Variants in SORCS1 observed in about 807,000 individuals in gnomAD.
SORCS1 encodes VPS10 domain-containing receptor SorCS1.
In SORCS1, 60 loss-of-function variants were observed where a neutral mutation model predicts 146.1. That is an observed-to-expected ratio of 0.41 (90% CI 0.33 to 0.51). The LOEUF is 0.51. SORCS1 is among the 20% of genes least tolerant of loss of function. The pLI, the probability that SORCS1 is intolerant of heterozygous loss-of-function variation, is 0.21. For missense variants in SORCS1, 1,352 were observed against 1,487.6 expected (o/e 0.91, Z 1.50); for synonymous variants, 637 against 584.0 (o/e 1.09, Z -1.31).
chr10:106,577,391 A>G lies in SORCS1; in HGVS notation c.*29T>C. 1 of 1,613,748 alleles carries G rather than the reference A, an allele frequency of 6.2e-7. No individual in the cohort carries two copies. On this transcript the variant is annotated 3_prime_UTR_variant, in exon 26 of 26. Coordinates refer to ENST00000263054, the MANE Select transcript of SORCS1 (RefSeq NM_052918.5). ...AGAGCGAAATTCTTTCCTGATCAGC[A>G]GGTCGCCTGTAGCCTTTGGGGGTTT...
intron 2 of SORCS1, among the ~76,000 whole-genome samples, chr10:106,933,451 T>C (rs1564825703): frequency 6.6e-6 from 1 of 152,206 alleles, no homozygotes; most frequent in East Asian, 1.9e-4. Context: ...TTAGGATCAA[T>C]AGAATGGTAG....
chr10:106,815,485 T>A (rs1449884938), intron 3 of SORCS1, among the ~76,000 whole-genome samples: 1 of 152,176 alleles, frequency 6.6e-6, no homozygotes, highest in Non-Finnish European at 1.5e-5. Flanking sequence ...AACTTTGTAT[T>A]TATAATAATT....
At chr10:106,619,674 C>T (rs780658573) in intron 20 of SORCS1, among the ~76,000 whole-genome samples, 2 of 152,074 alleles carry the variant, frequency 1.3e-5, no homozygotes, top group Admixed American at 6.6e-5. Context: ...GTGGAGGCAT[C>T]AGAAGGCCTT....
chr10:106,964,795 T>A (rs1955424167), intron 1 of SORCS1, among the ~76,000 whole-genome samples: 1 of 151,774 alleles, frequency 6.6e-6, no homozygotes, highest in African/African-American at 2.4e-5. Context: ...CTAATTTTTT[T>A]TAGATATAGG....
intron 10 of SORCS1, among the ~76,000 whole-genome samples, chr10:106,685,405 C>T (rs1413011243): frequency 2.0e-5 from 3 of 151,874 alleles, no homozygotes; most frequent in African/African-American, 7.3e-5. Context: ...GCAAGATGGA[C>T]AAGAAAATTA....
chr10:106,814,317 G>A (rs748804210), intron 3 of SORCS1, among the ~76,000 whole-genome samples: 10 of 152,148 alleles, frequency 6.6e-5, no homozygotes, highest in African/African-American at 1.9e-4. Flanking sequence ...TTTAAAACGC[G>A]AAATTTATTG....
chr10:106,766,671 G>C (rs974496519), intron 4 of SORCS1, among the ~76,000 whole-genome samples: 3 of 152,150 alleles, frequency 2.0e-5, no homozygotes, highest in Non-Finnish European at 1.5e-5. Context: ...AGCAGATAGT[G>C]AAAGAGCCAT....
chr10:106,888,938 C>A (rs182014458), intron 2 of SORCS1, among the ~76,000 whole-genome samples: 1 of 152,122 alleles, frequency 6.6e-6, no homozygotes, highest in South Asian at 2.1e-4. Context: ...TCACAAGGTG[C>A]GGTTTTAGAA....
chr10:106,696,105 A>T (rs1025721944), intron 9 of SORCS1, among the ~76,000 whole-genome samples: 3 of 151,214 alleles, frequency 2.0e-5, no homozygotes, highest in Non-Finnish European at 2.9e-5. Context: ...TGAAGAGCTC[A>T]CAAAGGCAGG....
chr10:107,171,095 T>G, the SORCS1 span, among the ~76,000 whole-genome samples: 1 of 152,214 alleles, frequency 6.6e-6, no homozygotes, highest in African/African-American at 2.4e-5. Context: ...TTAAAGTTGC[T>G]TCATACTTCA....
intron 2 of SORCS1, among the ~76,000 whole-genome samples, chr10:106,832,605 T>C (rs943750415): frequency 4.6e-5 from 7 of 152,254 alleles, no homozygotes; most frequent in Non-Finnish European, 7.4e-5. Context: ...TCTCCTTTTA[T>C]TGTACAGTTT....
chr10:107,141,347 T>C (rs780274565), intron 1 of SORCS1, among the ~76,000 whole-genome samples: 3 of 152,162 alleles, frequency 2.0e-5, no homozygotes, highest in Admixed American at 6.5e-5. Flanking sequence ...ATTATTATTG[T>C]CTCCTCCATC....
chr10:106,947,893 G>A (rs17121799), intron 2 of SORCS1, among the ~76,000 whole-genome samples: 3,430 of 152,082 alleles, frequency 0.023, 95 homozygotes, highest in South Asian at 0.11. Context: ...TATTTTATGG[G>A]GTTGTTAAAA....
chr10:106,930,013 G>A (rs978369157), intron 2 of SORCS1, among the ~76,000 whole-genome samples: 1 of 152,224 alleles, frequency 6.6e-6, no homozygotes, highest in African/African-American at 2.4e-5. Flanking sequence ...TTGGGAGGCC[G>A]AGGAGGGTGG....
intron 1 of SORCS1, among the ~76,000 whole-genome samples, chr10:107,076,079 C>T (rs1169576413): frequency 6.6e-6 from 1 of 152,092 alleles, no homozygotes; most frequent in African/African-American, 2.4e-5. Flanking sequence ...CTAACTTTGA[C>T]AAAATTGCCA....
intron 3 of SORCS1, among the ~76,000 whole-genome samples, chr10:106,821,591 T>C (rs1047488557): frequency 2.0e-5 from 3 of 152,166 alleles, no homozygotes; most frequent in African/African-American, 4.8e-5. Context: ...ATAACAAATA[T>C]GTTAATTAAG....
intron 2 of SORCS1, among the ~76,000 whole-genome samples, chr10:106,896,428 CAAA>C (rs781084783): frequency 2.6e-4 from 15 of 57,170 alleles, no homozygotes; most frequent in African/African-American, 6.4e-4. Context: ...GACTTTGTCT[CAAA>C]AAAAAAAAAA....
At chr10:106,817,230 T>G (rs773699515) in intron 3 of SORCS1, among the ~76,000 whole-genome samples, 1 of 152,182 alleles carries the variant, frequency 6.6e-6, no homozygotes, top group African/African-American at 2.4e-5. Flanking sequence ...CCAAACACTT[T>G]AATTATTTGA....
At chr10:106,677,738 C>G (rs943848127) in intron 12 of SORCS1, among the ~76,000 whole-genome samples, 3 of 152,136 alleles carry the variant, frequency 2.0e-5, no homozygotes, top group African/African-American at 7.2e-5. Context: ...TATTATACAT[C>G]TCTAGACAGA....
Sources: allele counts gnomAD v4.1 joint callset (sites outside exome capture counted in the v4.1 genomes callset), GRCh38; gene constraint gnomAD v4.1.1; transcripts MANE v1.5; gene names NCBI Gene and HGNC (gene_info 2026-07-23, HGNC 2026-07-21).